Variants in SMURF1 observed in about 807,000 individuals in gnomAD.
The protein encoded by SMURF1 is SMAD specific E3 ubiquitin protein ligase 1.
A neutral mutation model predicts 98.0 loss-of-function variants in SMURF1; 44 were observed. The ratio of observed to expected loss-of-function variants is 0.45; its 90% CI spans 0.35 to 0.58. SMURF1 has a LOEUF of 0.58. SMURF1 is among the 20% of genes least tolerant of loss of function. The pLI, the probability that SMURF1 is intolerant of heterozygous loss-of-function variation, is 0.00. For missense variants in SMURF1, 687 were observed against 938.4 expected (o/e 0.73, Z 3.50); for synonymous variants, 396 against 374.9 (o/e 1.06, Z -0.65).
chr7:99,074,879 T>C (rs1453581251), intron 1 of SMURF1, among the ~76,000 whole-genome samples: 1 of 152,152 alleles, frequency 6.6e-6, no homozygotes, highest in African/African-American at 2.4e-5. Context: ...ATTTTTAAAA[T>C]TAACTTTTAA....
chr7:99,123,778 C>T (rs968593366), intron 1 of SMURF1, among the ~76,000 whole-genome samples: 1 of 152,118 alleles, frequency 6.6e-6, no homozygotes, highest in African/African-American at 2.4e-5. Context: ...AGGAAAAGAA[C>T]TAGATTTAGA....
intron 1 of SMURF1, among the ~76,000 whole-genome samples, chr7:99,115,701 C>T (rs1486636993): frequency 6.6e-6 from 1 of 151,972 alleles, no homozygotes; most frequent in Non-Finnish European, 1.5e-5. Flanking sequence ...TAGAAATATG[C>T]ATACTACAAA....
chr7:99,039,522 T>A (rs1323083563), intron 13 of SMURF1, among the ~76,000 whole-genome samples: 2 of 152,082 alleles, frequency 1.3e-5, no homozygotes, highest in Admixed American at 6.6e-5. Flanking sequence ...AAAATTTTTT[T>A]AATTTTAGTA....
At chr7:99,089,200 CAA>C (rs35381081) in intron 1 of SMURF1, among the ~76,000 whole-genome samples, 26 of 123,636 alleles carry the variant, frequency 2.1e-4, no homozygotes, top group Non-Finnish European at 1.7e-4. Context: ...GAGACTCTGT[CAA>C]AAAAAAAAAA....
chr7:99,074,285 T>C (rs1796402522), intron 1 of SMURF1, among the ~76,000 whole-genome samples: 1 of 152,224 alleles, frequency 6.6e-6, no homozygotes, highest in Non-Finnish European at 1.5e-5. Context: ...ATACATGTGT[T>C]CAGTTTGTGA....
chr7:99,044,403 A>C (rs1345487434), intron 11 of SMURF1, among the ~76,000 whole-genome samples: 1 of 152,242 alleles, frequency 6.6e-6, no homozygotes. Flanking sequence ...CTTAATGGAC[A>C]ATATTTTCAT....
At chr7:99,059,733 C>T (rs1168313325) in intron 3 of SMURF1, among the ~76,000 whole-genome samples, 1 of 151,526 alleles carries the variant, frequency 6.6e-6, no homozygotes, top group Non-Finnish European at 1.5e-5. Context: ...GATGGTGAAA[C>T]CCCGTCTCAA....
chr7:99,052,257 C>A lies in SMURF1; in HGVS notation c.669G>T (p.Thr223=). 6.2e-7 allele frequency: 1 copy of A among 1,608,784 alleles called. No individual in the cohort carries two copies. The change falls in exon 7 of 18, where the codon ACG becomes ACT. Residue 223 remains threonine (T), a synonymous_variant. Transcript: ENST00000361368. The part of the protein sequence containing the change: ...RNPDVRGSLQ[T]PQNRPHGHQS... The stretch of plus-strand genomic sequence containing the variant: ...GGTGGCCGTGTGGTCGGTTCTGGGG[C>A]GTCTGTAGTGAACCTCGCACATCAG...
intron 1 of SMURF1, among the ~76,000 whole-genome samples, chr7:99,129,668 G>A (rs114957175): frequency 0.017 from 2,647 of 152,238 alleles, 82 homozygotes; most frequent in African/African-American, 0.061. Context: ...TTGGGATTAC[G>A]GGTGTGAGCC....
chr7:99,143,341 T>G (rs1470497344), intron 1 of SMURF1, among the ~76,000 whole-genome samples: 58 of 42,952 alleles, frequency 1.4e-3, no homozygotes, highest in Admixed American at 3.3e-3. Flanking sequence ...CGGGGAGAGG[T>G]GAGGGGAAAG....
intron 2 of SMURF1, among the ~76,000 whole-genome samples, 200 bp downstream of exon 2, chr7:99,061,599 G>A (rs1391463644): frequency 6.6e-6 from 1 of 152,166 alleles, no homozygotes; most frequent in Non-Finnish European, 1.5e-5. Context: ...TTTGCGGTAT[G>A]ATTTATAAGT....
chr7:99,076,993 TAAA>T (rs932552076), intron 1 of SMURF1, among the ~76,000 whole-genome samples: 1 of 138,108 alleles, frequency 7.2e-6, no homozygotes, highest in African/African-American at 2.8e-5. Context: ...ATGTCTATAA[TAAA>T]AAAAAAAACA....
intron 1 of SMURF1, among the ~76,000 whole-genome samples, chr7:99,111,155 T>C (rs1193731102): frequency 2.6e-5 from 4 of 152,030 alleles, no homozygotes; most frequent in African/African-American, 7.2e-5. Flanking sequence ...AACTAATAAA[T>C]AAATTTTAAA....
At chr7:99,132,669 A>G (rs1797895620) in intron 1 of SMURF1, among the ~76,000 whole-genome samples, 2 of 150,466 alleles carry the variant, frequency 1.3e-5, no homozygotes, top group South Asian at 4.2e-4. Context: ...AGTCAAGAGG[A>G]AGAGTATTAT....
At chr7:99,117,072 G>A (rs1044462600) in intron 1 of SMURF1, among the ~76,000 whole-genome samples, 6 of 151,252 alleles carry the variant, frequency 4.0e-5, no homozygotes, top group African/African-American at 1.5e-4. Flanking sequence ...TTTTTCAAGA[G>A]GGTGCCAATA....
intron 1 of SMURF1, among the ~76,000 whole-genome samples, chr7:99,142,215 C>T (rs1798136058): frequency 6.6e-6 from 1 of 152,180 alleles, no homozygotes; most frequent in South Asian, 2.1e-4. Context: ...CCAGGAAACA[C>T]GGACTTTTCA....
intron 2 of SMURF1, among the ~76,000 whole-genome samples, chr7:99,061,343 A>G (rs1401460026): frequency 6.6e-6 from 1 of 152,246 alleles, no homozygotes; most frequent in Non-Finnish European, 1.5e-5. Flanking sequence ...GACTTTCTTA[A>G]GGAGTGATTC....
At chr7:99,142,581 A>G (rs1427733397) in intron 1 of SMURF1, among the ~76,000 whole-genome samples, 1 of 75,322 alleles carries the variant, frequency 1.3e-5, no homozygotes, top group East Asian at 4.2e-4. Context: ...GGCAGGAATG[A>G]GGGCGGGGCT....
intron 1 of SMURF1, among the ~76,000 whole-genome samples, chr7:99,126,678 A>G (rs1322295112): frequency 1.3e-5 from 2 of 152,248 alleles, no homozygotes; most frequent in Non-Finnish European, 2.9e-5. Context: ...TAAAAAAATT[A>G]AAAAGTTTAA....
Sources: gnomAD v4.1 joint callset for allele counts (sites outside exome capture counted in the v4.1 genomes callset) on GRCh38, gnomAD v4.1.1 for gene constraint, MANE v1.5 for transcripts, NCBI Gene and HGNC (gene_info 2026-07-23, HGNC 2026-07-21) for gene names.